KYNU: variants seen among roughly 807,000 people sequenced by gnomAD.
The protein encoded by KYNU is kynureninase.
A neutral mutation model predicts 59.2 loss-of-function variants in KYNU; 54 were observed. The ratio of observed to expected loss-of-function variants is 0.91; its 90% CI spans 0.73 to 1.14. The LOEUF (loss-of-function observed/expected upper bound fraction) is 1.14. Ranked by LOEUF, KYNU falls within the 50% of genes most tolerant of loss-of-function variation. The probability of loss-of-function intolerance (pLI) is 0.00; values close to 1 mark genes in which losing one functional copy is unlikely to be tolerated. For missense variants in KYNU, 567 were observed against 554.4 expected, an observed-to-expected ratio of 1.02 and a Z score of -0.23; for synonymous variants, 177 against 192.0, an observed-to-expected ratio of 0.92 and a Z score of 0.65.
intron 2 of KYNU, among the ~76,000 whole-genome samples, chr2:142,894,313 G>T (rs531188195): frequency 2.6e-5 from 4 of 152,278 alleles, no homozygotes; most frequent in African/African-American, 9.6e-5. Flanking sequence ...GCATAGCCTT[G>T]TATGGGGCAT....
rs75997868 is a variant in KYNU, at chr2:143,050,516, T to C, written c.*8344T>C. 4.6e-5 allele frequency: 7 copies of C among 152,346 alleles called. No homozygotes were observed. The East Asian group carries it at 1.3e-3, about 29-fold the overall frequency. 9.4% of individuals were successfully genotyped at this position (152,346 alleles called of 1,614,324 possible). A position where few individuals can be genotyped will look rare whatever the true frequency, so the allele number is the denominator to read the frequency against. On this transcript the variant is annotated 3_prime_UTR_variant, in exon 14 of 14. Transcript: ENST00000264170. Reference sequence around the variant, plus strand: ...TGGCTACGTAGTATTCCATGGTGTATATATACCACATTTTCTTCATCCAGT... The same window carrying C: ...TGGCTACGTAGTATTCCATGGTGTACATATACCACATTTTCTTCATCCAGT...
chr2:142,878,234 G>T (rs1213183310), intron 1 of KYNU, among the ~76,000 whole-genome samples: 1 of 152,014 alleles, frequency 6.6e-6, no homozygotes, highest in Non-Finnish European at 1.5e-5. Flanking sequence ...CCTAAGAAAA[G>T]AAAGTTGATA....
intron 4 of KYNU, among the ~76,000 whole-genome samples, chr2:142,939,008 A>G (rs1298651214): frequency 6.6e-6 from 1 of 152,042 alleles, no homozygotes; most frequent in Non-Finnish European, 1.5e-5. Flanking sequence ...AGAAAGAAAA[A>G]TTAGTGGGGT....
chr2:142,991,458 C>A (rs955377352), intron 10 of KYNU, among the ~76,000 whole-genome samples: 3 of 151,728 alleles, frequency 2.0e-5, no homozygotes, highest in Non-Finnish European at 4.4e-5. Context: ...TTATAGAATC[C>A]CCAGTTGAAA....
intron 10 of KYNU, among the ~76,000 whole-genome samples, chr2:143,023,441 C>T (rs188648766): frequency 5.3e-5 from 8 of 151,954 alleles, no homozygotes; most frequent in African/African-American, 1.7e-4. Context: ...CAAGTCACAG[C>T]GTTAAACATT....
intron 10 of KYNU, among the ~76,000 whole-genome samples, chr2:143,003,111 G>A (rs1403585833): frequency 6.6e-6 from 1 of 152,102 alleles, no homozygotes; most frequent in African/African-American, 2.4e-5. Context: ...AATGGGCTTT[G>A]AATATACATC....
intron 1 of KYNU, among the ~76,000 whole-genome samples, chr2:142,883,080 T>A (rs1229202734): frequency 3.3e-5 from 5 of 152,184 alleles, no homozygotes; most frequent in Non-Finnish European, 7.4e-5. Context: ...GCTAAGTGGT[T>A]TTTATTTAAT....
intron 2 of KYNU, among the ~76,000 whole-genome samples, chr2:142,916,680 C>T (rs1316515650): frequency 2.0e-5 from 3 of 152,158 alleles, no homozygotes; most frequent in African/African-American, 7.2e-5. Flanking sequence ...ATTGAGACAC[C>T]TTACCCCCCT....
chr2:142,947,184 G>A (rs763567524), intron 4 of KYNU: 302 of 1,550,728 alleles, frequency 1.9e-4, no homozygotes, highest in Non-Finnish European at 2.5e-4. Flanking sequence ...TCTTGCTAAC[G>A]CAGACACCTC....
chr2:143,024,188 C>T (rs1199311124), intron 10 of KYNU, among the ~76,000 whole-genome samples: 3 of 151,824 alleles, frequency 2.0e-5, no homozygotes, highest in Non-Finnish European at 4.4e-5. Flanking sequence ...TTTGATTATA[C>T]TTGTTTTACC....
At chr2:142,880,341 A>T (rs1362929748) in intron 1 of KYNU, among the ~76,000 whole-genome samples, 1 of 152,206 alleles carries the variant, frequency 6.6e-6, no homozygotes, top group Non-Finnish European at 1.5e-5. Flanking sequence ...AGACTTGCAC[A>T]TAGCATGTTG....
chr2:143,050,951 G>A lies in KYNU; in HGVS notation c.*8779G>A, dbSNP rs538483630. 2 of 152,238 alleles carry A rather than the reference G, an allele frequency of 1.3e-5. No individual in the cohort carries two copies. The highest frequency in any genetic ancestry group is 2.4e-5 in the African/African-American group (1 of 41,544). 9.4% of individuals were successfully genotyped at this position (152,238 alleles called of 1,614,324 possible). ...GGGAATCAAAGTATTAGGGTACCTT[G>A]TTACTGAGATTATGGATGTGATGCT... On this transcript the variant is annotated 3_prime_UTR_variant, in exon 14 of 14. Transcript: ENST00000264170.
Position 142,972,791 on chromosome 2 carries a change from C to CATATATAT in KYNU, c.729+12037_729+12044dup, listed in dbSNP as rs72267912. On this transcript the variant is annotated intron_variant, in intron 8 of 13. Coordinates refer to ENST00000264170, the MANE Select transcript of KYNU (RefSeq NM_003937.3). ...TTATGTAGACTACAGAGACAGAGGCCATATATATATATATATATATATAGA... is the reference window on the plus strand; with the variant it reads ...TTATGTAGACTACAGAGACAGAGGCCATATATATATATATATATATATATATATATAGA... Among the ~76,000 whole-genome samples, 165 of 135,346 alleles carry CATATATAT rather than the reference C, an allele frequency of 1.2e-3. 1 individual carries two copies. In the Middle Eastern group the frequency reaches 0.016, roughly 13 times the overall value. 88.8% of individuals were successfully genotyped at this position (135,346 alleles called of 152,430 possible).
intron 5 of KYNU, among the ~76,000 whole-genome samples, chr2:142,955,495 A>G (rs1227654853): frequency 6.6e-6 from 1 of 152,092 alleles, no homozygotes; most frequent in African/African-American, 2.4e-5. Flanking sequence ...AAGTTCAGAT[A>G]TCCCTGGATT....
chr2:142,964,959 C>T (rs1349211738), intron 8 of KYNU, among the ~76,000 whole-genome samples: 1 of 152,082 alleles, frequency 6.6e-6, no homozygotes, highest in South Asian at 2.1e-4. Flanking sequence ...TGTCTTACTT[C>T]CATGTTTCTA....
At position 142,985,064 on chromosome 2, in the gene KYNU, A is replaced by G. The variant is rs373282216; in HGVS notation, c.730-20A>G. 1.4e-6 allele frequency: 2 copies of G among 1,384,016 alleles called. No individual in the cohort carries two copies. Among genetic ancestry groups the G allele is most frequent in the Admixed American group, 1.7e-5 (1 of 59,450 alleles). 85.7% of individuals were successfully genotyped at this position (1,384,016 alleles called of 1,614,324 possible). ...TAATCATGAAGCAAACTTAAAGCTT[A>G]TTATTGTGTTCTTCCCTAGGGTTGT... On this transcript the variant is annotated intron_variant, in intron 8 of 13. Transcript: ENST00000264170.
chr2:142,900,345 G>A (rs139583310), intron 2 of KYNU, among the ~76,000 whole-genome samples: 94 of 152,264 alleles, frequency 6.2e-4, no homozygotes, highest in African/African-American at 2.1e-3. Context: ...TAACAAACAC[G>A]GACCAAAAGA....
At position 143,032,334 on chromosome 2, in the gene KYNU, T is replaced by A. The variant is rs1390366113; in HGVS notation, c.956-902T>A. 6.6e-5 allele frequency among the ~76,000 whole-genome samples: 10 copies of A among 150,576 alleles called. 1 individual carries two copies. The South Asian group carries it at 1.9e-3, about 29-fold the overall frequency. ...AAAAAAACTGCTGTTTTTAAAACCATCAGATCTTGTGAGAACTCCTTCACT... is the reference window on the plus strand; with the variant it reads ...AAAAAAACTGCTGTTTTTAAAACCAACAGATCTTGTGAGAACTCCTTCACT... On this transcript the variant is annotated intron_variant, in intron 11 of 13. Transcript: ENST00000264170.
At chr2:142,978,701 A>T (rs762813764) in intron 8 of KYNU, among the ~76,000 whole-genome samples, 9 of 152,256 alleles carry the variant, frequency 5.9e-5, no homozygotes, top group Non-Finnish European at 1.2e-4. Flanking sequence ...CTTTTTATGT[A>T]CCTTAACTAT....
Sources: gnomAD v4.1 joint callset for allele counts (sites outside exome capture counted in the v4.1 genomes callset) on GRCh38, gnomAD v4.1.1 for gene constraint, MANE v1.5 for transcripts, NCBI Gene and HGNC (gene_info 2026-07-23, HGNC 2026-07-21) for gene names.